The following FAM135B variants were observed in gnomAD, a reference collection of about 807,000 sequenced individuals.
The protein encoded by FAM135B is family with sequence similarity 135 member B.
A neutral mutation model predicts 127.7 loss-of-function variants in FAM135B; 43 were observed. The ratio of observed to expected loss-of-function variants is 0.34; its 90% confidence interval spans 0.26 to 0.43. The LOEUF (loss-of-function observed/expected upper bound fraction) is 0.43, where lower values mean the gene tolerates loss of function less well. Among genes scored for constraint, FAM135B ranks in the 20% least tolerant of loss-of-function variants. FAM135B has a pLI of 1.00. For synonymous variants in FAM135B, 670 were observed against 665.1 expected (o/e 1.01, Z -0.11); for missense variants, 1,558 against 1,725.6 (o/e 0.90, Z 1.72).
At chr8:138,226,180 T>TGC (rs1281639798) in intron 7 of FAM135B, among the ~76,000 whole-genome samples, 1 of 127,998 alleles carries the variant, frequency 7.8e-6, no homozygotes, top group South Asian at 2.4e-4. Flanking sequence ...TGTGTGTGTG[T>TGC]GTGTGCGCGC....
intron 1 of FAM135B, among the ~76,000 whole-genome samples, chr8:138,375,456 A>C (rs1215681688): frequency 1.3e-5 from 2 of 152,010 alleles, no homozygotes; most frequent in Non-Finnish European, 2.9e-5. Flanking sequence ...CCAGATATCA[A>C]TGTTACAATC....
At chr8:138,303,733 C>T (rs1483290013) in intron 3 of FAM135B, among the ~76,000 whole-genome samples, 2 of 152,206 alleles carry the variant, frequency 1.3e-5, no homozygotes, top group Non-Finnish European at 2.9e-5. Context: ...TGTCCTGGTG[C>T]GTGCACCTGT....
At chr8:138,209,373 G>C (rs1205555009) in intron 7 of FAM135B, among the ~76,000 whole-genome samples, 3 of 152,168 alleles carry the variant, frequency 2.0e-5, no homozygotes, top group Admixed American at 6.5e-5. Flanking sequence ...TGCTGCTGCA[G>C]TTGGATCTTG....
chr8:138,331,014 G>T (rs1381142811), intron 2 of FAM135B, among the ~76,000 whole-genome samples: 1 of 151,978 alleles, frequency 6.6e-6, no homozygotes, highest in Non-Finnish European at 1.5e-5. Flanking sequence ...AGCTAATTTT[G>T]TATTTTTAGT....
chr8:138,240,369 A>G (rs974432937), intron 7 of FAM135B, among the ~76,000 whole-genome samples: 29 of 152,236 alleles, frequency 1.9e-4, no homozygotes, highest in African/African-American at 6.5e-4. Flanking sequence ...CCCACTTCAT[A>G]CCAGGTCTAA....
chr8:138,304,152 C>G (rs539507047), intron 3 of FAM135B, among the ~76,000 whole-genome samples: 1 of 152,200 alleles, frequency 6.6e-6, no homozygotes, highest in African/African-American at 2.4e-5. Flanking sequence ...GCACTTCAGC[C>G]CATCAGGCAA....
intron 4 of FAM135B, 69 bp from the exon 5 acceptor site, chr8:138,256,828 C>A (rs2130547781): frequency 8.4e-7 from 1 of 1,186,142 alleles, no homozygotes; most frequent in South Asian, 1.3e-5. Flanking sequence ...CTTAGCTGGT[C>A]TACTTCCCAA....
intron 7 of FAM135B, among the ~76,000 whole-genome samples, chr8:138,206,947 C>G: frequency 6.6e-6 from 1 of 152,150 alleles, no homozygotes; most frequent in Non-Finnish European, 1.5e-5. Context: ...CCAGCATCCC[C>G]TCCACCTACC....
intron 2 of FAM135B, among the ~76,000 whole-genome samples, chr8:138,358,744 A>G (rs1830238023): frequency 6.6e-6 from 1 of 152,186 alleles, no homozygotes; most frequent in Non-Finnish European, 1.5e-5. Context: ...CTCAGTGAGA[A>G]CCGTCAAGTA....
chr8:138,219,801 T>C (rs1314245357), intron 7 of FAM135B, among the ~76,000 whole-genome samples: 2 of 152,110 alleles, frequency 1.3e-5, no homozygotes, highest in Non-Finnish European at 2.9e-5. Flanking sequence ...GTGTTTTTAC[T>C]AGTCAGCTCT....
At chr8:138,229,054 T>C (rs2130177913) in intron 7 of FAM135B, among the ~76,000 whole-genome samples, 2 of 152,242 alleles carry the variant, frequency 1.3e-5, no homozygotes, top group Admixed American at 1.3e-4. Flanking sequence ...TGTGTGTGTG[T>C]GTGTGTGCGT....
At chr8:138,440,833 T>G (rs1587459641) in intron 1 of FAM135B, 1 of 151,972 alleles carries the variant, frequency 6.6e-6, no homozygotes, top group East Asian at 1.9e-4. Flanking sequence ...ACTCAAGAGG[T>G]AGAGCCAATT....
In FAM135B at chr8:138,152,356, A is replaced by AC; in HGVS notation, c.2118dup (p.Leu707ValfsTer4). 1 of 1,613,786 alleles carries AC rather than the reference A, an allele frequency of 6.2e-7. No homozygotes were observed. Among genetic ancestry groups the AC allele is most frequent in the Admixed American group, 1.7e-5 (1 of 60,000 alleles). ...TGCAAGACTTCCCGATCACTGGGCA[A>AC]CTCCAGAGCCCTGCTTCGGGCCTCT... On this transcript the variant is annotated frameshift_variant, in exon 13 of 20. Coordinates refer to ENST00000395297, the MANE Select transcript of FAM135B (RefSeq NM_015912.4). LOFTEE classifies it high-confidence loss of function.
chr8:138,250,227 C>T (rs1821596879), intron 6 of FAM135B, among the ~76,000 whole-genome samples: 1 of 152,052 alleles, frequency 6.6e-6, no homozygotes, highest in African/African-American at 2.4e-5. Context: ...GTGGCGGGTG[C>T]CTGTAATCCC....
At chr8:138,413,292 C>T (rs1833961858) in intron 1 of FAM135B, among the ~76,000 whole-genome samples, 1 of 152,014 alleles carries the variant, frequency 6.6e-6, no homozygotes, top group Non-Finnish European at 1.5e-5. Context: ...TAGAGTTCCC[C>T]TGTCTCATCA....
chr8:138,459,183 A>T (rs1217601510), intron 1 of FAM135B: 3 of 152,206 alleles, frequency 2.0e-5, no homozygotes, highest in African/African-American at 7.2e-5. Flanking sequence ...AAGGACATTA[A>T]AGGACTCAGG....
rs1443676552 is a variant in FAM135B, at chr8:138,422,415, C to G, written c.-19-54413G>C. ...TCTAGAACCCATAATAAACTTTAAC[C>G]AACAAGCAAAAGACAAATAACCCCA... is the stretch of plus-strand genomic sequence containing the variant. On this transcript the variant is annotated intron_variant, in intron 1 of 19. Transcript: ENST00000395297. Among the ~76,000 whole-genome samples, 3 of 151,862 alleles carry G rather than the reference C, an allele frequency of 2.0e-5. No homozygotes were observed. In the East Asian group the frequency reaches 5.8e-4, roughly 29 times the overall value.
intron 1 of FAM135B, among the ~76,000 whole-genome samples, chr8:138,392,364 T>C (rs11774641): frequency 0.34 from 51,716 of 151,988 alleles, 9,186 homozygotes; most frequent in Non-Finnish European, 0.37. Flanking sequence ...TAATTCACAC[T>C]AAAGTGTGAA....
chr8:138,338,667 G>C (rs930733883), intron 2 of FAM135B, among the ~76,000 whole-genome samples: 11 of 151,662 alleles, frequency 7.3e-5, no homozygotes, highest in South Asian at 4.2e-4. Flanking sequence ...TGGTGGGACT[G>C]TAAACTAGTT....
Sources: gnomAD v4.1 joint callset for allele counts (sites outside exome capture counted in the v4.1 genomes callset) on GRCh38, gnomAD v4.1.1 for gene constraint, MANE v1.5 for transcripts, NCBI Gene and HGNC (gene_info 2026-07-23, HGNC 2026-07-21) for gene names.